FGF14: variants seen among roughly 807,000 people sequenced by gnomAD.
FGF14 encodes fibroblast growth factor homologous factor 4.
FGF14 carries 5 observed loss-of-function variants against 25.5 expected under a neutral mutation model. The ratio of observed to expected loss-of-function variants is 0.20; its 90% CI spans 0.10 to 0.41. FGF14 has a LOEUF of 0.41. Ranked by LOEUF, FGF14 falls within the 10% of genes least tolerant of loss-of-function variation. FGF14 has a pLI of 1.00. For missense variants in FGF14, 222 were observed against 320.1 expected, an observed-to-expected ratio of 0.69 and a Z score of 2.34; for synonymous variants, 138 against 118.3, an observed-to-expected ratio of 1.17 and a Z score of -1.08.
rs79286641 is a variant in FGF14 at position 102,034,943 on chromosome 13, T to C, written c.209-159647A>G. Among the ~76,000 whole-genome samples, 1,090 of 152,202 alleles carry C rather than the reference T, an allele frequency of 7.2e-3. 10 individuals carry two copies. Among genetic ancestry groups the C allele is most frequent in the African/African-American group, 0.025 (1,041 of 41,538 alleles). On this transcript the variant is annotated intron_variant, in intron 1 of 4. Transcript: ENST00000376131. ...ATGAGGCACCTGATGTTCTTAAAAGTCAAGCATCTGGGCTGGAATTGAATC... is the reference window on the plus strand; with the variant it reads ...ATGAGGCACCTGATGTTCTTAAAAGCCAAGCATCTGGGCTGGAATTGAATC...
At chr13:101,799,336 T>G (rs1432477853) in intron 3 of FGF14, among the ~76,000 whole-genome samples, 4 of 152,078 alleles carry the variant, frequency 2.6e-5, no homozygotes, top group Admixed American at 2.6e-4. Context: ...TGCCTTCGTG[T>G]GACATTGATG....
At chr13:102,014,149 G>A (rs1363086345) in intron 1 of FGF14, among the ~76,000 whole-genome samples, 1 of 151,802 alleles carries the variant, frequency 6.6e-6, no homozygotes, top group African/African-American at 2.4e-5. Context: ...TGGCCAAGTT[G>A]GAATCACTAT....
chr13:101,880,148 C>T (rs924343016), intron 1 of FGF14, among the ~76,000 whole-genome samples: 4 of 152,172 alleles, frequency 2.6e-5, no homozygotes, highest in Non-Finnish European at 4.4e-5. Flanking sequence ...AACTCACGGT[C>T]CCATTCCAAT....
chr13:101,759,871 G>A (rs961685093), intron 3 of FGF14, among the ~76,000 whole-genome samples: 1 of 152,158 alleles, frequency 6.6e-6, no homozygotes, highest in African/African-American at 2.4e-5. Flanking sequence ...TTAGATAAAT[G>A]AAAGGATCAG....
intron 1 of FGF14, among the ~76,000 whole-genome samples, chr13:101,899,375 T>A (rs543825852): frequency 6.6e-6 from 1 of 151,836 alleles, no homozygotes; most frequent in African/African-American, 2.4e-5. Context: ...ATAACTATAA[T>A]TAATATATTT....
intron 3 of FGF14, among the ~76,000 whole-genome samples, chr13:101,775,991 G>A (rs932866972): frequency 5.3e-5 from 8 of 152,116 alleles, no homozygotes; most frequent in South Asian, 2.1e-4. Context: ...TCATGGAAGC[G>A]TTACACAACT....
chr13:102,169,359 G>A (rs1242206396), intron 1 of FGF14, among the ~76,000 whole-genome samples: 1 of 152,022 alleles, frequency 6.6e-6, no homozygotes, highest in African/African-American at 2.4e-5. Context: ...CTAGACACCT[G>A]TACTTGGTCA....
chr13:102,052,674 T>C (rs962464699), intron 1 of FGF14, among the ~76,000 whole-genome samples: 1 of 151,936 alleles, frequency 6.6e-6, no homozygotes, highest in Non-Finnish European at 1.5e-5. Flanking sequence ...AAGAATACCG[T>C]ATCCAGCAAA....
chr13:102,127,444 G>A (rs939118330), intron 1 of FGF14, among the ~76,000 whole-genome samples: 1 of 152,066 alleles, frequency 6.6e-6, no homozygotes, highest in Non-Finnish European at 1.5e-5. Flanking sequence ...GTAACGCAAG[G>A]CTTCAACTCT....
In FGF14 at chr13:102,047,763, G is replaced by A. The variant is rs2042051003; in HGVS notation, c.209-172467C>T. Among the ~76,000 whole-genome samples, 4 of 152,072 alleles carry A rather than the reference G, an allele frequency of 2.6e-5. No homozygotes were observed. The South Asian group carries it at 8.3e-4, about 32-fold the overall frequency. ...GTTAATGGGTGCAGCACACCAACAT[G>A]GCACATGTATACATATGTAACAAAC... On this transcript the variant is annotated intron_variant, in intron 1 of 4. Coordinates refer to the FGF14 transcript ENST00000376131.
chr13:101,858,521 C>A (rs2044244456), intron 3 of FGF14, among the ~76,000 whole-genome samples: 1 of 151,872 alleles, frequency 6.6e-6, no homozygotes, highest in Non-Finnish European at 1.5e-5. Context: ...TTGTTTTAGG[C>A]CTTCATGTTT....
chr13:102,255,505 G>A (rs1411583084), intron 1 of FGF14, among the ~76,000 whole-genome samples: 2 of 152,158 alleles, frequency 1.3e-5, no homozygotes, highest in Non-Finnish European at 2.9e-5. Flanking sequence ...AATCAGGAAA[G>A]AAAAGAGGCT....
chr13:102,337,608 G>A (rs1457228614), intron 1 of FGF14, among the ~76,000 whole-genome samples: 1 of 152,166 alleles, frequency 6.6e-6, no homozygotes, highest in Non-Finnish European at 1.5e-5. Flanking sequence ...AAGTTCTATG[G>A]TGGGTAAAAT....
At chr13:102,374,849 T>A (rs374210391) in intron 1 of FGF14, among the ~76,000 whole-genome samples, 8 of 151,616 alleles carry the variant, frequency 5.3e-5, no homozygotes, top group African/African-American at 1.7e-4. Context: ...AGGTAGTTTA[T>A]GCAATTTTAA....
At chr13:102,092,654 T>G (rs1423625489) in intron 1 of FGF14, among the ~76,000 whole-genome samples, 1 of 152,162 alleles carries the variant, frequency 6.6e-6, no homozygotes, top group Non-Finnish European at 1.5e-5. Flanking sequence ...ATATGTTAAT[T>G]TTAACATGAA....
At chr13:101,756,509 C>T (rs888163259) in intron 3 of FGF14, among the ~76,000 whole-genome samples, 4 of 151,958 alleles carry the variant, frequency 2.6e-5, no homozygotes, top group African/African-American at 7.3e-5. Flanking sequence ...CTGAGGTGGG[C>T]GGATCACGAG....
intron 3 of FGF14, among the ~76,000 whole-genome samples, chr13:101,734,885 T>C (rs1028016307): frequency 2.0e-5 from 3 of 152,226 alleles, no homozygotes; most frequent in South Asian, 2.1e-4. Flanking sequence ...TATTGTTCAA[T>C]TGAAAGAATT....
At chr13:101,977,865 C>T (rs61050951) in intron 1 of FGF14, among the ~76,000 whole-genome samples, 303 of 151,754 alleles carry the variant, frequency 2.0e-3, no homozygotes, top group Middle Eastern at 6.9e-3. Flanking sequence ...AACTTACATG[C>T]TTACTAAATC....
intron 3 of FGF14, among the ~76,000 whole-genome samples, chr13:101,792,450 A>G (rs867936646): frequency 2.0e-5 from 3 of 152,260 alleles, no homozygotes; most frequent in African/African-American, 7.2e-5. Flanking sequence ...GGGCCTTGCA[A>G]GCCTCCAGCA....
Sources: allele counts gnomAD v4.1 joint callset (sites outside exome capture counted in the v4.1 genomes callset), GRCh38; gene constraint gnomAD v4.1.1; transcripts MANE v1.5; gene names NCBI Gene and HGNC (gene_info 2026-07-23, HGNC 2026-07-21).